CREB5: variants seen among roughly 807,000 people sequenced by gnomAD.
CREB5 encodes cAMP responsive element binding protein 5, also known as cyclic AMP-responsive element-binding protein 5.
A neutral mutation model predicts 57.1 loss-of-function variants in CREB5; 19 were observed. That is an observed-to-expected ratio of 0.33 (90% confidence interval 0.23 to 0.49). The LOEUF is 0.49. Ranked by LOEUF, CREB5 falls within the 20% of genes least tolerant of loss-of-function variation. The pLI is 0.99. For missense variants in CREB5, 579 were observed against 671.6 expected (o/e 0.86, Z 1.52); for synonymous variants, 238 against 238.3 (o/e 1.00, Z 0.01).
At chr7:28,625,602 CT>C (rs1331136862) in intron 5 of CREB5, among the ~76,000 whole-genome samples, 2 of 152,174 alleles carry the variant, frequency 1.3e-5, no homozygotes, top group Non-Finnish European at 2.9e-5. Context: ...TTTCTGTTTG[CT>C]GAATTCCATA....
chr7:28,557,487 T>A (rs1162569837), intron 4 of CREB5, among the ~76,000 whole-genome samples: 1 of 152,184 alleles, frequency 6.6e-6, no homozygotes, highest in Non-Finnish European at 1.5e-5. Flanking sequence ...GTGTGTGTTT[T>A]TTTTAATTCT....
At chr7:28,769,148 A>G (rs1248516618) in intron 7 of CREB5, among the ~76,000 whole-genome samples, 1 of 152,248 alleles carries the variant, frequency 6.6e-6, no homozygotes, top group African/African-American at 2.4e-5. Context: ...TTTTTCTTTT[A>G]TTAAAACTCA....
chr7:28,670,048 T>C (rs1799968440), intron 5 of CREB5, among the ~76,000 whole-genome samples: 1 of 152,216 alleles, frequency 6.6e-6, no homozygotes, highest in Non-Finnish European at 1.5e-5. Context: ...GACCAGTTGG[T>C]ACATGGTCTG....
intron 1 of CREB5, among the ~76,000 whole-genome samples, chr7:28,303,320 A>G (rs1343754424): frequency 1.3e-5 from 2 of 152,210 alleles, no homozygotes; most frequent in South Asian, 2.1e-4. Flanking sequence ...GCCCTCACTT[A>G]AATGTTGGCA....
chr7:28,411,552 T>C (rs1296834377), upstream of CREB5, among the ~76,000 whole-genome samples: 1 of 1,982 alleles, frequency 5.0e-4, no homozygotes, highest in Non-Finnish European at 8.7e-4. Context: ...GAACCCTCGG[T>C]GTGGGGGGTG....
At chr7:28,385,165 G>A (rs1374437608) in intron 1 of CREB5, among the ~76,000 whole-genome samples, 11 of 152,160 alleles carry the variant, frequency 7.2e-5, no homozygotes, top group African/African-American at 2.2e-4. Context: ...ATGTTAACTT[G>A]TGTAAGTATG....
At chr7:28,388,631 A>G (rs149392492) in intron 1 of CREB5, among the ~76,000 whole-genome samples, 7 of 152,152 alleles carry the variant, frequency 4.6e-5, no homozygotes, top group Non-Finnish European at 8.8e-5. Context: ...GCTTTTCATC[A>G]TTTTTCTGAT....
intron 7 of CREB5, among the ~76,000 whole-genome samples, chr7:28,769,175 A>G (rs1157555560): frequency 1.3e-5 from 2 of 152,252 alleles, no homozygotes; most frequent in Non-Finnish European, 1.5e-5. Flanking sequence ...TAAATTAGCT[A>G]TGCTTTGACC....
intron 5 of CREB5, among the ~76,000 whole-genome samples, chr7:28,658,851 A>G (rs113589657): frequency 1.4e-3 from 210 of 150,976 alleles, no homozygotes; most frequent in Non-Finnish European, 2.5e-3. Flanking sequence ...AACAGCATAG[A>G]CATAGACTAT....
chr7:28,482,256 C>T (rs543785563), intron 1 of CREB5, among the ~76,000 whole-genome samples: 11 of 152,336 alleles, frequency 7.2e-5, no homozygotes, highest in African/African-American at 2.4e-4. Context: ...AACCTACCTG[C>T]ATCCTTGCTT....
At chr7:28,436,810 A>G (rs1788981911) in intron 1 of CREB5, among the ~76,000 whole-genome samples, 1 of 152,078 alleles carries the variant, frequency 6.6e-6, no homozygotes, top group African/African-American at 2.4e-5. Context: ...CACATTTCAC[A>G]CCATTTGATT....
At chr7:28,309,743 C>T (rs1362625038) in intron 1 of CREB5, among the ~76,000 whole-genome samples, 2 of 152,112 alleles carry the variant, frequency 1.3e-5, no homozygotes, top group Non-Finnish European at 2.9e-5. Context: ...GATTTTGGTC[C>T]AAACCTCTAT....
At chr7:28,458,360 T>C (rs1481663039) in intron 1 of CREB5, among the ~76,000 whole-genome samples, 1 of 152,188 alleles carries the variant, frequency 6.6e-6, no homozygotes, top group African/African-American at 2.4e-5. Flanking sequence ...ATAGGCAGAA[T>C]TGGGGCCTAG....
chr7:28,709,559 TCTC>T (rs1352384413), intron 5 of CREB5, among the ~76,000 whole-genome samples: 1 of 151,928 alleles, frequency 6.6e-6, no homozygotes. Context: ...CTAGTAAACA[TCTC>T]CTCCGCCTAA....
chr7:28,627,645 C>T (rs1798051974), intron 5 of CREB5, among the ~76,000 whole-genome samples: 4 of 152,124 alleles, frequency 2.6e-5, no homozygotes, highest in African/African-American at 9.7e-5. Flanking sequence ...GGGTTTTCGC[C>T]ATGCAGTTAT....
intron 6 of CREB5, among the ~76,000 whole-genome samples, chr7:28,719,358 G>A (rs1455194703): frequency 6.6e-6 from 1 of 152,206 alleles, no homozygotes; most frequent in Non-Finnish European, 1.5e-5. Flanking sequence ...TATTTATTGA[G>A]TGTTTACTGT....
chr7:28,430,942 C>T (rs1788686158), intron 1 of CREB5, among the ~76,000 whole-genome samples: 1 of 152,040 alleles, frequency 6.6e-6, no homozygotes, highest in Admixed American at 6.6e-5. Flanking sequence ...CCTGGTATTG[C>T]AGGCCTTAGG....
intron 2 of CREB5, among the ~76,000 whole-genome samples, chr7:28,488,735 C>T (rs576722379): frequency 7.7e-4 from 117 of 152,336 alleles, no homozygotes; most frequent in African/African-American, 2.7e-3. Context: ...AGTTTTCCTA[C>T]GTATGTGAAC....
At chr7:28,624,576 C>T (rs909285525) in intron 5 of CREB5, among the ~76,000 whole-genome samples, 11 of 151,762 alleles carry the variant, frequency 7.2e-5, no homozygotes, top group Admixed American at 1.3e-4. Context: ...TAAGCCTCCA[C>T]TTCTGCCTCA....
Sources: allele counts gnomAD v4.1 joint callset (sites outside exome capture counted in the v4.1 genomes callset), GRCh38; gene constraint gnomAD v4.1.1; transcripts MANE v1.5; gene names NCBI Gene and HGNC (gene_info 2026-07-23, HGNC 2026-07-21).